Variants in EMP2 observed in about 807,000 individuals in gnomAD.
The protein encoded by EMP2 is epithelial membrane protein 2.
EMP2 carries 19 observed loss-of-function variants against 13.7 expected under a neutral mutation model. The ratio of observed to expected loss-of-function variants is 1.38; its 90% CI spans 0.97 to 2.03. The LOEUF is 2.03. Among genes scored for constraint, EMP2 ranks in the 30% most tolerant of loss-of-function variants. The probability of loss-of-function intolerance (pLI) is 0.00; values close to 1 mark genes in which losing one functional copy is unlikely to be tolerated. For missense variants in EMP2, 253 were observed against 220.7 expected, an observed-to-expected ratio of 1.15 and a Z score of -0.93; for synonymous variants, 97 against 84.7, an observed-to-expected ratio of 1.15 and a Z score of -0.80.
intron 4 of EMP2, among the ~76,000 whole-genome samples, chr16:10,537,397 C>T (rs2050655426): frequency 6.6e-6 from 1 of 152,162 alleles, no homozygotes; most frequent in Non-Finnish European, 1.5e-5. Flanking sequence ...CCTCTGTCAC[C>T]CACCAGCTTG....
In EMP2 at chr16:10,529,793, T is replaced by C. The variant is rs1005720871; in HGVS notation, c.*3112A>G. ...TAAAAATACAAAAATTAGCTGGGCA[T>C]GGTGGGACATGCCTGTAATCCCAGC... On this transcript the variant is annotated 3_prime_UTR_variant, in exon 5 of 5. Coordinates refer to ENST00000359543, the MANE Select transcript of EMP2 (RefSeq NM_001424.6). The C allele has an allele frequency of 6.6e-6, 1 of 151,918 alleles. No individual in the cohort carries two copies. The highest frequency in any genetic ancestry group is 6.6e-5 in the Admixed American group (1 of 15,244). 9.4% of individuals were successfully genotyped at this position (151,918 alleles called of 1,614,324 possible).
At chr16:10,565,790 T>C (rs1391152515) in intron 1 of EMP2, among the ~76,000 whole-genome samples, 2 of 152,268 alleles carry the variant, frequency 1.3e-5, no homozygotes, top group South Asian at 4.1e-4. Context: ...TCCGATGCAC[T>C]TGGAATCCCA....
At chr16:10,551,621 G>A (rs1311174826) in intron 1 of EMP2, among the ~76,000 whole-genome samples, 1 of 152,160 alleles carries the variant, frequency 6.6e-6, no homozygotes. Context: ...TTGCCAGGCT[G>A]GTCTCAAACC....
At chr16:10,575,261 T>TTTTTTTTTTC (rs2050975990) in intron 1 of EMP2, among the ~76,000 whole-genome samples, 1 of 91,796 alleles carries the variant, frequency 1.1e-5, no homozygotes, top group Non-Finnish European at 2.1e-5. Context: ...TTTTTTTTTT[T>TTTTTTTTTTC]TTTTTTTTTT....
At chr16:10,565,671 G>A (rs562335597) in intron 1 of EMP2, among the ~76,000 whole-genome samples, 7 of 152,284 alleles carry the variant, frequency 4.6e-5, no homozygotes, top group African/African-American at 1.7e-4. Context: ...CTGGAAGGTT[G>A]AGCCCCTTAA....
In EMP2 at chr16:10,530,378, A is replaced by G. The variant is rs1367780450; in HGVS notation, c.*2527T>C. On this transcript the variant is annotated 3_prime_UTR_variant, in exon 5 of 5. Transcript: ENST00000359543. The stretch of plus-strand genomic sequence containing the variant: ...TTGAAGAGATATCCATGGTGGCCCT[A>G]AAACTACTCAAACCAGATGTCTCTT... 3.9e-5 allele frequency: 6 copies of G among 152,594 alleles called. No homozygotes were observed. In the East Asian group the frequency reaches 9.6e-4, roughly 24 times the overall value. 9.5% of individuals were successfully genotyped at this position (152,594 alleles called of 1,614,324 possible).
chr16:10,569,793 G>T (rs911673696), intron 1 of EMP2, among the ~76,000 whole-genome samples: 2 of 152,228 alleles, frequency 1.3e-5, no homozygotes, highest in Non-Finnish European at 2.9e-5. Flanking sequence ...CACTCTGGGT[G>T]TGTCGATGAT....
At chr16:10,575,664 C>T (rs915671408) in intron 1 of EMP2, among the ~76,000 whole-genome samples, 5 of 152,042 alleles carry the variant, frequency 3.3e-5, no homozygotes, top group African/African-American at 4.8e-5. Context: ...TAATAATAAC[C>T]CATCAAGATT....
chr16:10,573,685 T>C (rs1398303610), intron 1 of EMP2, among the ~76,000 whole-genome samples: 1 of 152,168 alleles, frequency 6.6e-6, no homozygotes, highest in Non-Finnish European at 1.5e-5. Flanking sequence ...TGAGATAAGA[T>C]TGTATCCTTT....
chr16:10,534,395 G>GT (rs930099845), intron 4 of EMP2, among the ~76,000 whole-genome samples: 3 of 152,216 alleles, frequency 2.0e-5, no homozygotes, highest in Non-Finnish European at 2.9e-5. Flanking sequence ...TGTAAAAATA[G>GT]TAACTATCTT....
intron 2 of EMP2, chr16:10,545,661 C>A: frequency 6.5e-6 from 1 of 152,676 alleles, no homozygotes; most frequent in Non-Finnish European, 1.5e-5. Context: ...AGGGCTCCCA[C>A]TGATTCCACA....
intron 1 of EMP2, among the ~76,000 whole-genome samples, chr16:10,571,503 G>A (rs962426600): frequency 8.5e-5 from 13 of 152,088 alleles, no homozygotes; most frequent in African/African-American, 2.2e-4. Flanking sequence ...CAGGAGATTC[G>A]GAAGGTCAGT....
At chr16:10,570,625 T>C (rs191945516) in intron 1 of EMP2, among the ~76,000 whole-genome samples, 111 of 152,260 alleles carry the variant, frequency 7.3e-4, no homozygotes, top group Non-Finnish European at 1.3e-3. Context: ...CTCGAACTCC[T>C]AACTTCAAGT....
chr16:10,563,372 A>T (rs1829667720), intron 1 of EMP2, among the ~76,000 whole-genome samples: 2 of 152,070 alleles, frequency 1.3e-5, no homozygotes, highest in Admixed American at 1.3e-4. Flanking sequence ...TTGTATTTTC[A>T]GTAGAGATGG....
rs1428832068 is a variant in EMP2 at position 10,547,741 on chromosome 16, A to G, written c.-60-64T>C. 2.0e-5 allele frequency: 19 copies of G among 966,036 alleles called. No homozygotes were observed. The Middle Eastern group carries it at 9.8e-4, about 50-fold the overall frequency. The allele number at this position is 966,036 out of a possible 1,614,324, so 59.8% of individuals were successfully genotyped here. ...TGACAAAACAAAATTACAATAAAAA[A>G]TAAACACCTTTTAGCTGGGCGTGGT... On this transcript the variant is annotated intron_variant, in intron 1 of 4. Transcript: ENST00000359543.
chr16:10,558,761 T>C lies in EMP2; in HGVS notation c.-60-11084A>G, dbSNP rs558770937. Among the ~76,000 whole-genome samples, 26 of 152,140 alleles carry C rather than the reference T, an allele frequency of 1.7e-4. No individual in the cohort carries two copies. The East Asian group carries it at 4.3e-3, about 25-fold the overall frequency. ...CTTGCTGTTGCCAAAGGAAGTCACT[T>C]TGGCACATGCTCCTTTACGTGCCAG... On this transcript the variant is annotated intron_variant, in intron 1 of 4. Transcript: ENST00000359543.
At chr16:10,549,867 CTTTTTTTTTCTTTTTCTT>C (rs2050771405) in intron 1 of EMP2, among the ~76,000 whole-genome samples, 2 of 139,684 alleles carry the variant, frequency 1.4e-5, no homozygotes, top group African/African-American at 2.7e-5. Flanking sequence ...CTTTTCTTTT[CTTTTTTTTTCTTTTTCTT>C]TTTTTTTTTT....
At chr16:10,559,841 G>A (rs1787823314) in intron 1 of EMP2, among the ~76,000 whole-genome samples, 1 of 152,164 alleles carries the variant, frequency 6.6e-6, no homozygotes, top group African/African-American at 2.4e-5. Context: ...TGCCTGGCTA[G>A]TTTTTGTATT....
chr16:10,539,053 G>T (rs1232975046), intron 3 of EMP2, among the ~76,000 whole-genome samples: 1 of 152,000 alleles, frequency 6.6e-6, no homozygotes, highest in Non-Finnish European at 1.5e-5. Flanking sequence ...GATACTAATA[G>T]CTCCTTCCTC....
Sources: allele counts gnomAD v4.1 joint callset (sites outside exome capture counted in the v4.1 genomes callset), GRCh38; gene constraint gnomAD v4.1.1; transcripts MANE v1.5; gene names NCBI Gene and HGNC (gene_info 2026-07-23, HGNC 2026-07-21).